Variants in FBXO11 observed in about 807,000 individuals in gnomAD.
The protein encoded by FBXO11 is F-box only protein 11.
In FBXO11, 13 loss-of-function variants were observed where a neutral mutation model predicts 117.0. That is an observed-to-expected ratio of 0.11 (90% CI 0.07 to 0.18). The LOEUF (loss-of-function observed/expected upper bound fraction) is 0.18, where lower values mean the gene tolerates loss of function less well. Among genes scored for constraint, FBXO11 ranks in the 10% least tolerant of loss-of-function variants. The pLI is 1.00. For synonymous variants in FBXO11, 490 were observed against 380.5 expected (o/e 1.29, Z -3.35); for missense variants, 767 against 1,164.4 (o/e 0.66, Z 4.97).
chr2:47,839,720 T>G lies in FBXO11; in HGVS notation c.282A>C (p.Ala94=). The change falls in exon 2 of 23, where the codon GCA becomes GCC. Residue 94 remains alanine, a synonymous_variant. Transcript: ENST00000403359. ...TACGAAGTTGGTATGGACTATTTTGTGCACCAGGACCTGATTCTTCTGCAA... is the reference window on the plus strand; with the variant it reads ...TACGAAGTTGGTATGGACTATTTTGGGCACCAGGACCTGATTCTTCTGCAA... The part of the protein sequence containing the change: ...DMVAEESGPG[A]QNSPYQLRRK... 1 of 1,614,130 alleles carries G rather than the reference T, an allele frequency of 6.2e-7. No individual in the cohort carries two copies. The highest frequency in any genetic ancestry group is 8.5e-7 in the Non-Finnish European group (1 of 1,180,010).
At chr2:47,882,439 T>C (rs1336768936) in intron 1 of FBXO11, among the ~76,000 whole-genome samples, 1 of 150,566 alleles carries the variant, frequency 6.6e-6, no homozygotes, top group East Asian at 1.9e-4. Context: ...TCTCAGCTAG[T>C]TTTTCTTCAA....
chr2:47,850,600 G>A (rs1673786412), intron 1 of FBXO11, among the ~76,000 whole-genome samples: 3 of 152,072 alleles, frequency 2.0e-5, no homozygotes, highest in Admixed American at 2.0e-4. Flanking sequence ...ACTCTATATA[G>A]AAAATGTCCA....
intron 1 of FBXO11, among the ~76,000 whole-genome samples, chr2:47,849,847 A>G (rs1292755080): frequency 6.6e-6 from 1 of 152,224 alleles, no homozygotes; most frequent in African/African-American, 2.4e-5. Flanking sequence ...ATGTATGGCT[A>G]TACTATGTAG....
rs1572944504 is a variant in FBXO11, at chr2:47,906,031, A to C, written c.-311T>G. 1.2e-4 allele frequency: 24 copies of C among 207,212 alleles called. No homozygotes were observed. The highest frequency in any genetic ancestry group is 3.7e-4 in the East Asian group (3 of 8,188). The allele number at this position is 207,212 out of a possible 1,614,324, so 12.8% of individuals were successfully genotyped here. A position where few individuals can be genotyped will look rare whatever the true frequency, so the allele number is the denominator to read the frequency against. Reference sequence around the variant, plus strand: ...ACGGGCAGACCGAGAGAAAGAAAGAAAGGGCGTCCGCCGCTTGGGGATCCC... The same window carrying C: ...ACGGGCAGACCGAGAGAAAGAAAGACAGGGCGTCCGCCGCTTGGGGATCCC... On this transcript the variant is annotated 5_prime_UTR_variant, in exon 1 of 23. Coordinates refer to ENST00000403359, the MANE Select transcript of FBXO11 (RefSeq NM_001190274.2).
Position 47,808,106 on chromosome 2 carries a change from T to C in FBXO11, c.*12A>G, listed in dbSNP as rs373008426. ...TGTTACAATGGCAGGACTTTTTCTT[T>C]AGGGAAGGAATTCAGTTGTGCTGCA... On this transcript the variant is annotated 3_prime_UTR_variant, in exon 23 of 23. Transcript: ENST00000403359. 226 of 1,594,910 alleles carry C rather than the reference T, an allele frequency of 1.4e-4. No homozygotes were observed. Among genetic ancestry groups the C allele is most frequent in the Admixed American group, 4.6e-4 (26 of 56,186 alleles).
intron 1 of FBXO11, among the ~76,000 whole-genome samples, chr2:47,896,345 G>C (rs1368541143): frequency 1.1e-5 from 1 of 90,012 alleles, no homozygotes; most frequent in Admixed American, 1.1e-4. Flanking sequence ...TTTTTTTTTT[G>C]AGACAAGGTC....
chr2:47,843,077 A>G (rs147455847), intron 1 of FBXO11, among the ~76,000 whole-genome samples: 7 of 152,322 alleles, frequency 4.6e-5, no homozygotes, highest in South Asian at 2.1e-4. Context: ...GCTGTGAGTC[A>G]ATGTGCCCAG....
intron 11 of FBXO11, among the ~76,000 whole-genome samples, chr2:47,829,644 T>C (rs1024051601): frequency 4.6e-5 from 7 of 151,624 alleles, no homozygotes; most frequent in Admixed American, 6.6e-5. Context: ...TAAGAGAAAA[T>C]TTGATGATAT....
chr2:47,905,881 C>T lies in FBXO11; in HGVS notation c.-161G>A, dbSNP rs1351476259. 1 of 760,146 alleles carries T rather than the reference C, an allele frequency of 1.3e-6. No homozygotes were observed. The highest frequency in any genetic ancestry group is 2.2e-5 in the South Asian group (1 of 45,518). The allele number at this position is 760,146 out of a possible 1,614,324, so 47.1% of individuals were successfully genotyped here. On this transcript the variant is annotated 5_prime_UTR_variant, in exon 1 of 23. Coordinates refer to ENST00000403359, the MANE Select transcript of FBXO11 (RefSeq NM_001190274.2). ...CTGAGGGCGGAGGGGGCGAGCGGGA[C>T]CCCGAGTCCGGAGAAAGGCCCGGGT... is the stretch of plus-strand genomic sequence containing the variant.
chr2:47,833,972 C>A (rs1169967021), intron 7 of FBXO11, among the ~76,000 whole-genome samples: 2 of 152,132 alleles, frequency 1.3e-5, no homozygotes, highest in Non-Finnish European at 2.9e-5. Flanking sequence ...CTGGCTGCAT[C>A]TTTATTTTCA....
chr2:47,819,415 C>T (rs1325186731), intron 14 of FBXO11, among the ~76,000 whole-genome samples: 2 of 152,262 alleles, frequency 1.3e-5, no homozygotes, highest in East Asian at 3.9e-4. Flanking sequence ...GGCGTTTCAC[C>T]ATCTTGGCCA....
chr2:47,898,939 T>C lies in FBXO11; in HGVS notation c.232+6550A>G, dbSNP rs191548326. Among the ~76,000 whole-genome samples the C allele has an allele frequency of 2.8e-3, 426 of 152,222 alleles. 2 individuals are homozygous for C. The highest frequency in any genetic ancestry group is 9.3e-3 in the African/African-American group (388 of 41,532). ...TGTTGTATAGCTGAGCCTCTACTTC[T>C]TCATTTATTAAAAAAAAAAAGTAAT... On this transcript the variant is annotated intron_variant, in intron 1 of 22. Transcript: ENST00000403359.
chr2:47,861,721 G>C (rs1356393278), intron 1 of FBXO11, among the ~76,000 whole-genome samples: 4 of 152,098 alleles, frequency 2.6e-5, no homozygotes, highest in African/African-American at 7.2e-5. Context: ...TTCTGGGAAA[G>C]AGACGTCCTT....
intron 1 of FBXO11, among the ~76,000 whole-genome samples, chr2:47,898,635 A>C (rs779095503): frequency 8.5e-5 from 13 of 152,198 alleles, no homozygotes; most frequent in Non-Finnish European, 1.6e-4. Context: ...TCTTGAGACA[A>C]ATCTACATGA....
chr2:47,816,619 G>C (rs1377117198), intron 16 of FBXO11, among the ~76,000 whole-genome samples: 1 of 151,798 alleles, frequency 6.6e-6, no homozygotes, highest in Non-Finnish European at 1.5e-5. Flanking sequence ...TACATACAAA[G>C]ACTTAAAAAT....
At chr2:47,901,859 C>G (rs543171023) in intron 1 of FBXO11, among the ~76,000 whole-genome samples, 1 of 152,282 alleles carries the variant, frequency 6.6e-6, no homozygotes, top group South Asian at 2.1e-4. Context: ...TAAAACAAAA[C>G]AAATATCAAA....
intron 7 of FBXO11, among the ~76,000 whole-genome samples, chr2:47,833,471 T>A (rs990582624): frequency 6.6e-6 from 1 of 152,092 alleles, no homozygotes; most frequent in African/African-American, 2.4e-5. Flanking sequence ...CAGACAAACA[T>A]TTGCTCTAAT....
chr2:47,832,091 A>T (rs781728170), intron 11 of FBXO11, among the ~76,000 whole-genome samples: 6 of 152,326 alleles, frequency 3.9e-5, no homozygotes, highest in Non-Finnish European at 7.4e-5. Flanking sequence ...TTTGAGACTT[A>T]ATTAACGAGT....
Position 47,827,484 on chromosome 2 carries a change from T to A in FBXO11, c.1399-4124A>T, listed in dbSNP as rs535097097. On this transcript the variant is annotated intron_variant, in intron 11 of 22. Transcript: ENST00000403359. ...ACCACGCCCAGCTAATTTTTGTATT[T>A]TTAGTAGAGATGGGGTTTCACTATG... 1.4e-4 allele frequency among the ~76,000 whole-genome samples: 21 copies of A among 152,008 alleles called. No individual in the cohort carries two copies. In the South Asian group the frequency reaches 4.4e-3, roughly 32 times the overall value.
Sources: gnomAD v4.1 joint callset for allele counts (sites outside exome capture counted in the v4.1 genomes callset) on GRCh38, gnomAD v4.1.1 for gene constraint, MANE v1.5 for transcripts, NCBI Gene and HGNC (gene_info 2026-07-23, HGNC 2026-07-21) for gene names.